Variants in SNAPC4 observed in about 807,000 individuals in gnomAD.
SNAPC4 encodes snRNA-activating protein complex subunit 4.
A neutral mutation model predicts 151.3 loss-of-function variants in SNAPC4; 127 were observed. The ratio of observed to expected loss-of-function variants is 0.84; its 90% CI spans 0.73 to 0.97. The LOEUF (loss-of-function observed/expected upper bound fraction) is 0.97, where lower values mean the gene tolerates loss of function less well. Among genes scored for constraint, SNAPC4 ranks in the 50% least tolerant of loss-of-function variants. The pLI is 0.00. For missense variants in SNAPC4, 2,186 were observed against 1,935.0 expected (o/e 1.13, Z -2.43); for synonymous variants, 1,002 against 824.4 (o/e 1.22, Z -3.69).
rs1298561351 is a variant in SNAPC4 at position 136,388,458 on chromosome 9, A to G, written c.1109T>C (p.Ile370Thr). The G allele has an allele frequency of 1.9e-6, 3 of 1,612,820 alleles. No individual in the cohort carries two copies. Among genetic ancestry groups the G allele is most frequent in the African/African-American group, 2.7e-5 (2 of 74,856 alleles). ...LVQEMRVGSH[I>T]PYRRIVYYME... Reference sequence around the variant, plus strand: ...AGGGGCCTCACTTCTGCGGTAGGGGATGTGGCTGCCGACGCGCATCTCCTG... The same window carrying G: ...AGGGGCCTCACTTCTGCGGTAGGGGGTGTGGCTGCCGACGCGCATCTCCTG... The change falls in exon 11 of 24, where the codon ATC becomes ACC. Residue 370 changes from isoleucine (I) to threonine (T), a missense_variant. By Grantham distance (89) the Ile-to-Thr change is moderately conservative. Coordinates refer to ENST00000684778, the MANE Select transcript of SNAPC4 (RefSeq NM_003086.4).
intron 19 of SNAPC4, 38 bp downstream of exon 19, chr9:136,381,284 A>G (rs1236151701): frequency 1.9e-6 from 3 of 1,545,154 alleles, no homozygotes; most frequent in East Asian, 2.3e-5. Flanking sequence ...AACTTTTTAC[A>G]AGGCAAAGGA....
In SNAPC4 at chr9:136,388,308, G is replaced by C. The variant is rs532190635; in HGVS notation, c.1123+136C>G. The C allele has an allele frequency of 6.6e-4, 474 of 718,888 alleles. 1 individual carries two copies. Among genetic ancestry groups the C allele is most frequent in the Non-Finnish European group, 8.0e-4 (372 of 465,352 alleles). 44.5% of individuals were successfully genotyped at this position (718,888 alleles called of 1,614,324 possible). A position where few individuals can be genotyped will look rare whatever the true frequency, so the allele number is the denominator to read the frequency against. ...AAAGTCACTTGAGTCACCAAGAAGC[G>C]AACTGTGGAACAGCCAGGACTGTCT... is the stretch of plus-strand genomic sequence containing the variant. On this transcript the variant is annotated intron_variant, in intron 11 of 23. Coordinates refer to ENST00000684778, the MANE Select transcript of SNAPC4 (RefSeq NM_003086.4).
At chr9:136,396,947 G>C in intron 3 of SNAPC4, 30 bp downstream of exon 3, 1 of 1,607,864 alleles carries the variant, frequency 6.2e-7, no homozygotes, top group African/African-American at 1.3e-5. Context: ...GCCTGACCCA[G>C]TGGCACAGCC....
intron 2 of SNAPC4, 21 bp from the exon 3 acceptor site, chr9:136,397,044 AC>A (rs1334976568): frequency 1.2e-6 from 2 of 1,609,890 alleles, no homozygotes; most frequent in South Asian, 2.2e-5. Context: ...CACAAGCAAC[AC>A]CGTGTTGGTA....
In SNAPC4 at chr9:136,387,863, A is replaced by G; in HGVS notation, c.1124-15T>C. 6.9e-7 allele frequency: 1 copy of G among 1,439,108 alleles called. No individual in the cohort carries two copies. Among genetic ancestry groups the G allele is most frequent in the Non-Finnish European group, 9.8e-7 (1 of 1,020,558 alleles). 89.1% of individuals were successfully genotyped at this position (1,439,108 alleles called of 1,614,324 possible). A position where few individuals can be genotyped will look rare whatever the true frequency, so the allele number is the denominator to read the frequency against. On this transcript the variant is annotated splice_polypyrimidine_tract_variant and intron_variant, in intron 11 of 23. Coordinates refer to ENST00000684778, the MANE Select transcript of SNAPC4 (RefSeq NM_003086.4). ...ATAGTAGACAACTAGGGACAGAGGA[A>G]CAGGGAGGTCCTGTGGGGCCGAGAC...
chr9:136,390,778 G>A (rs1004076084), intron 10 of SNAPC4, among the ~76,000 whole-genome samples: 4 of 151,184 alleles, frequency 2.6e-5, no homozygotes, highest in African/African-American at 4.9e-5. Context: ...AAAGTTATGT[G>A]TACCAAACTA....
At position 136,377,791 on chromosome 9, in the gene SNAPC4, C is replaced by A; in HGVS notation, c.4036G>T (p.Ala1346Ser). Residue 1346 changes from alanine (A) to serine (S), a missense_variant, in exon 22 of 24, where the codon GCC (alanine) becomes TCC (serine). Ala to Ser is a moderately conservative substitution (Grantham distance 99). Coordinates refer to ENST00000684778, the MANE Select transcript of SNAPC4 (RefSeq NM_003086.4). ...TGCCCCCGCACCAGCCCCAGTGAGGCTTGCAGTGCTCCGGCCGGCCGCTCA... is the reference window on the plus strand; with the variant it reads ...TGCCCCCGCACCAGCCCCAGTGAGGATTGCAGTGCTCCGGCCGGCCGCTCA... Reference protein sequence around the residue: ...EAERPAGALQASLGLVRGQLQ... With the variant: ...EAERPAGALQSSLGLVRGQLQ... 6.2e-7 allele frequency: 1 copy of A among 1,611,954 alleles called. No homozygotes were observed. Among genetic ancestry groups the A allele is most frequent in the East Asian group, 2.2e-5 (1 of 44,868 alleles).
rs142400142 is a variant in SNAPC4 at position 136,377,883 on chromosome 9, G to A, written c.3944C>T (p.Ser1315Phe). ...PPALCSLRAL[S>F]GLLLHKKALE... is the part of the protein sequence containing the mutation. ...GGCCTTCTTGTGGAGTAGGAGACCG[G>A]ACAGAGCTCGCAGGCTGCACAGGGC... Residue 1315 changes from serine (S) to phenylalanine (F), a missense_variant, in exon 22 of 24, where the codon TCC becomes TTC. Physicochemically the swap from Ser to Phe is radical, Grantham distance 155. Transcript: ENST00000684778. 1.5e-5 allele frequency: 24 copies of A among 1,611,356 alleles called. No individual in the cohort carries two copies. The African/African-American group carries it at 2.9e-4, about 20-fold the overall frequency.
chr9:136,392,609 G>A lies in SNAPC4; in HGVS notation c.738-15C>T, dbSNP rs1395811437. The stretch of plus-strand genomic sequence containing the variant: ...CTGGAAGCTGGCTGGTGGAAGGGAT[G>A]AGGGTATTGGCACCACGCCTGGCTT... On this transcript the variant is annotated splice_polypyrimidine_tract_variant and intron_variant, in intron 8 of 23. Coordinates refer to ENST00000684778, the MANE Select transcript of SNAPC4 (RefSeq NM_003086.4). 4 of 1,613,696 alleles carry A rather than the reference G, an allele frequency of 2.5e-6. No homozygotes were observed. Among genetic ancestry groups the A allele is most frequent in the South Asian group, 1.1e-5 (1 of 91,086 alleles).
At position 136,393,540 on chromosome 9, in the gene SNAPC4, C is replaced by G. The variant is rs1834154515; in HGVS notation, c.632+709G>C. On this transcript the variant is annotated intron_variant, in intron 7 of 23. Transcript: ENST00000684778. ...GGCTGTGCTGTGCCTTCTTTGGTCA[C>G]GTGATTATCACCCCATCAGCAAACA... 2.0e-5 allele frequency among the ~76,000 whole-genome samples: 3 copies of G among 152,222 alleles called. 1 individual carries two copies. Among genetic ancestry groups the G allele is most frequent in the South Asian group, 4.1e-4 (2 of 4,826 alleles).
At chr9:136,385,472 A>G (rs1201505599) in intron 13 of SNAPC4, among the ~76,000 whole-genome samples, 1 of 152,234 alleles carries the variant, frequency 6.6e-6, no homozygotes, top group Non-Finnish European at 1.5e-5. Context: ...AAAAAGTGCA[A>G]GCAAATGTTC....
chr9:136,398,544 GTGGGCAC>G (rs1834352224), intron 1 of SNAPC4, 107 bp from the exon 2 acceptor site: 1 of 1,283,514 alleles, frequency 7.8e-7, no homozygotes, highest in Non-Finnish European at 1.1e-6. Flanking sequence ...CTGCTCGGCA[GTGGGCAC>G]TGGGCTCCCC....
chr9:136,378,051 A>G lies in SNAPC4; in HGVS notation c.3776T>C (p.Leu1259Pro), dbSNP rs1833526236. The change falls in exon 22 of 24, where the codon CTA (leucine) becomes CCA (proline). Residue 1259 changes from leucine to proline, a missense_variant. Leu to Pro is a moderately conservative substitution (Grantham distance 98). Coordinates refer to ENST00000684778, the MANE Select transcript of SNAPC4 (RefSeq NM_003086.4). ...CCCCTTCTCAGGCCCAGGCTGGGGT[A>G]GGGGCGGCTTCTCCAGGTCCAGGGC... ...KGALDLEKPP[L>P]PQPGPEKGAL... 2 of 1,578,472 alleles carry G rather than the reference A, an allele frequency of 1.3e-6. No individual in the cohort carries two copies. The highest frequency in any genetic ancestry group is 1.3e-5 in the African/African-American group (1 of 74,136).
At position 136,377,906 on chromosome 9, in the gene SNAPC4, G is replaced by A; in HGVS notation, c.3921C>T (p.Ala1307=). The change falls in exon 22 of 24, where the codon GCC becomes GCT. Residue 1307 remains alanine, a synonymous_variant. Transcript: ENST00000684778. ...CGGACAGAGCTCGCAGGCTGCACAG[G>A]GCTGGGGGCTGATAGGGCAGTCTGC... ...LGSRLPYQPP[A]LCSLRALSGL... The A allele has an allele frequency of 1.2e-6, 2 of 1,610,966 alleles. No homozygotes were observed. Among genetic ancestry groups the A allele is most frequent in the Non-Finnish European group, 1.7e-6 (2 of 1,179,588 alleles).
At chr9:136,387,713 C>A (rs906031034) in intron 12 of SNAPC4, 29 bp downstream of exon 12, 18 of 1,474,074 alleles carry the variant, frequency 1.2e-5, no homozygotes, top group Non-Finnish European at 1.7e-5. Flanking sequence ...TTCCCAGAGC[C>A]CAGTTCTCCT....
intron 10 of SNAPC4, among the ~76,000 whole-genome samples, chr9:136,390,019 T>C (rs1047401450): frequency 8.5e-5 from 13 of 152,210 alleles, no homozygotes; most frequent in Admixed American, 4.6e-4. Context: ...TGGAAGACAG[T>C]TGAATTCCCA....
intron 16 of SNAPC4, among the ~76,000 whole-genome samples, chr9:136,382,691 G>A (rs892718419): frequency 5.3e-5 from 8 of 152,242 alleles, no homozygotes; most frequent in Non-Finnish European, 1.0e-4. Context: ...CACTGTCCCT[G>A]CCAATGACTC....
At position 136,377,770 on chromosome 9, in the gene SNAPC4, C is replaced by T. The variant is rs1190533624; in HGVS notation, c.4057G>A (p.Gly1353Arg). The change falls in exon 22 of 24, where the codon GGG becomes AGG. Residue 1353 changes from glycine to arginine, a missense_variant. Transcript: ENST00000684778. ...ALQASLGLVRGQLQDNPAYLL... is the reference protein window; with the variant it reads ...ALQASLGLVRRQLQDNPAYLL... ...TAGGCCGGGTTGTCCTGGAGCTGCCCCCGCACCAGCCCCAGTGAGGCTTGC... is the reference window on the plus strand; with the variant it reads ...TAGGCCGGGTTGTCCTGGAGCTGCCTCCGCACCAGCCCCAGTGAGGCTTGC... 2.5e-6 allele frequency: 4 copies of T among 1,611,530 alleles called. No individual in the cohort carries two copies. The highest frequency in any genetic ancestry group is 3.3e-5 in the Admixed American group (2 of 59,934).
In SNAPC4 at chr9:136,379,150, C is replaced by G. The variant is rs374320708; in HGVS notation, c.2677G>C (p.Val893Leu). The change falls in exon 22 of 24, where the codon GTG (valine) becomes CTG (leucine). Residue 893 changes from valine (V) to leucine (L), a missense_variant. Coordinates refer to ENST00000684778, the MANE Select transcript of SNAPC4 (RefSeq NM_003086.4). ...CGCTTCTCCTGAAGCAGCTCCGACACAGTCTTGGGCTTGGGCCGGGGGCCG... is the reference window on the plus strand; with the variant it reads ...CGCTTCTCCTGAAGCAGCTCCGACAGAGTCTTGGGCTTGGGCCGGGGGCCG... ...STGPRPKPKT[V>L]SELLQEKRLQ... 6.3e-6 allele frequency: 10 copies of G among 1,581,814 alleles called. No individual in the cohort carries two copies. Among genetic ancestry groups the G allele is most frequent in the Non-Finnish European group, 7.7e-6 (9 of 1,164,860 alleles).
Sources: gnomAD v4.1 joint callset for allele counts (sites outside exome capture counted in the v4.1 genomes callset) on GRCh38, gnomAD v4.1.1 for gene constraint, MANE v1.5 for transcripts, NCBI Gene and HGNC (gene_info 2026-07-23, HGNC 2026-07-21) for gene names.